IL1RAPL1: variants seen among roughly 807,000 people sequenced by gnomAD.
The protein encoded by IL1RAPL1 is interleukin 1 receptor accessory protein like 1.
In IL1RAPL1, 3 loss-of-function variants were observed where a neutral mutation model predicts 48.4. The ratio of observed to expected loss-of-function variants is 0.06; its 90% confidence interval spans 0.03 to 0.16. The LOEUF is 0.16. Ranked by LOEUF, IL1RAPL1 falls within the 10% of genes least tolerant of loss-of-function variation. IL1RAPL1 has a pLI of 1.00. For missense variants in IL1RAPL1, 349 were observed against 530.6 expected, an observed-to-expected ratio of 0.66 and a Z score of 3.36; for synonymous variants, 185 against 187.7, an observed-to-expected ratio of 0.99 and a Z score of 0.12.
At chrX:29,425,207 C>T (rs1934336055) in intron 5 of IL1RAPL1, among the ~76,000 whole-genome samples, 1 of 112,001 alleles carries the variant, frequency 8.9e-6, no homozygotes, top group Non-Finnish European at 1.9e-5. Context: ...ATAATGGACT[C>T]CAACACATAC....
chrX:29,719,743 CAAA>C (rs372308075), intron 6 of IL1RAPL1, among the ~76,000 whole-genome samples: 1 of 21,895 alleles, frequency 4.6e-5, no homozygotes, highest in African/African-American at 1.3e-4. Flanking sequence ...GAAAGATGAG[CAAA>C]AAAAAAAAAA....
chrX:29,469,664 G>T (rs1934901193), intron 5 of IL1RAPL1, among the ~76,000 whole-genome samples: 2 of 111,380 alleles, frequency 1.8e-5, no homozygotes, highest in Non-Finnish European at 1.9e-5. Flanking sequence ...GCAAATCCTG[G>T]TATAATATAA....
At chrX:29,176,580 T>G (rs1930028572) in intron 2 of IL1RAPL1, among the ~76,000 whole-genome samples, 1 of 111,095 alleles carries the variant, frequency 9.0e-6, no homozygotes, top group South Asian at 3.8e-4. Context: ...ATCTTGAAAT[T>G]TTATGGGGAT....
chrX:29,784,402 A>G (rs938756547), intron 6 of IL1RAPL1, among the ~76,000 whole-genome samples: 2 of 111,298 alleles, frequency 1.8e-5, no homozygotes, highest in African/African-American at 6.5e-5. Context: ...TTCTAATGCA[A>G]GATACTGACC....
At position 29,230,504 on chromosome X, in the gene IL1RAPL1, C is replaced by CAAAAAAAAAAAAAAAAAAA. The variant is rs60539139; in HGVS notation, c.83-52421_83-52403dup. Among the ~76,000 whole-genome samples, 68 of 16,587 alleles carry CAAAAAAAAAAAAAAAAAAA rather than the reference C, an allele frequency of 4.1e-3. 20 individuals are homozygous for CAAAAAAAAAAAAAAAAAAA. The highest frequency in any genetic ancestry group is 0.018 in the African/African-American group (62 of 3,480). 14.4% of individuals were successfully genotyped at this position (16,587 alleles called of 115,157 possible). On this transcript the variant is annotated intron_variant, in intron 2 of 10. Transcript: ENST00000378993. ...TGCTCTATCATTATGGTCCCTTTAC[C>CAAAAAAAAAAAAAAAAAAA]AAAAAAAAAAAAAAAAAAAAAAAAA...
At chrX:28,659,523 A>AGCTAGAGGCGGCGCTG (rs1288901908) in intron 1 of IL1RAPL1, 12 of 460,822 alleles carry the variant, frequency 2.6e-5, no homozygotes, top group East Asian at 2.3e-4. Flanking sequence ...GAGCTCGGCG[A>AGCTAGAGGCGGCGCTG]GCTAGAGGCG....
chrX:29,282,909 CTCTT>C (rs772665410), intron 2 of IL1RAPL1, 25 bp from the exon 3 acceptor site: 1 of 1,204,596 alleles, frequency 8.3e-7, no homozygotes, highest in Non-Finnish European at 1.1e-6. Flanking sequence ...TGTTTTTCCT[CTCTT>C]TCTCTGTCTC....
At chrX:28,999,653 A>G (rs1307349890) in intron 2 of IL1RAPL1, among the ~76,000 whole-genome samples, 1 of 111,928 alleles carries the variant, frequency 8.9e-6, no homozygotes, top group East Asian at 2.8e-4. Flanking sequence ...ATTTCCATCA[A>G]GATGTACTTT....
chrX:29,024,094 C>T (rs914740792), intron 2 of IL1RAPL1, among the ~76,000 whole-genome samples: 1 of 111,612 alleles, frequency 9.0e-6, no homozygotes, highest in Non-Finnish European at 1.9e-5. Flanking sequence ...TATTATCATG[C>T]AGACAAATTA....
At chrX:29,020,434 T>C (rs1353390574) in intron 2 of IL1RAPL1, among the ~76,000 whole-genome samples, 7 of 112,419 alleles carry the variant, frequency 6.2e-5, no homozygotes, top group African/African-American at 2.3e-4. Flanking sequence ...TACAGTGATA[T>C]GCTGTACAAG....
intron 3 of IL1RAPL1, among the ~76,000 whole-genome samples, chrX:29,380,072 G>A (rs1267857916): frequency 1.9e-5 from 2 of 107,918 alleles, no homozygotes; most frequent in African/African-American, 3.4e-5. Context: ...GCTCATTCAT[G>A]TTACCATGAA....
At chrX:29,927,095 C>A (rs1253328606) in intron 8 of IL1RAPL1, among the ~76,000 whole-genome samples, 1 of 112,020 alleles carries the variant, frequency 8.9e-6, no homozygotes, top group African/African-American at 3.2e-5. Context: ...GCTTCACAAA[C>A]TTTACAGTAT....
At position 28,688,994 on chromosome X, in the gene IL1RAPL1, T is replaced by A. The variant is rs112900611; in HGVS notation, c.-24-100326T>A. On this transcript the variant is annotated intron_variant, in intron 1 of 10. Coordinates refer to ENST00000378993, the MANE Select transcript of IL1RAPL1 (RefSeq NM_014271.4). ...ACCACGTTCTAGCCATGATTCATTT[T>A]TAAATTAAAATATCATTATATATGT... 7.2e-3 allele frequency among the ~76,000 whole-genome samples: 801 copies of A among 111,484 alleles called. 12 individuals are homozygous for A. Among genetic ancestry groups the A allele is most frequent in the African/African-American group, 0.024 (745 of 30,628 alleles).
chrX:29,094,771 C>CAAAA lies in IL1RAPL1; in HGVS notation c.83-188140_83-188137dup, dbSNP rs1163805144. ...TGGTGACAAGAGTGAAACTCCATCT[C>CAAAA]AAAAAAAAAAAAAAAAAAAAAAAAA... On this transcript the variant is annotated intron_variant, in intron 2 of 10. Transcript: ENST00000378993. 4.6e-3 allele frequency among the ~76,000 whole-genome samples: 27 copies of CAAAA among 5,909 alleles called. 2 individuals carry two copies. The highest frequency in any genetic ancestry group is 0.022 in the East Asian group (2 of 91). 5.1% of individuals were successfully genotyped at this position (5,909 alleles called of 115,157 possible). A position where few individuals can be genotyped will look rare whatever the true frequency, so the allele number is the denominator to read the frequency against.
intron 2 of IL1RAPL1, among the ~76,000 whole-genome samples, chrX:29,038,756 C>T (rs756643363): frequency 8.9e-6 from 1 of 111,812 alleles, no homozygotes; most frequent in East Asian, 2.8e-4. Context: ...AAACATTTTA[C>T]TTAAAATATA....
chrX:29,252,280 AAAG>A (rs759727578), intron 2 of IL1RAPL1, among the ~76,000 whole-genome samples: 2,726 of 85,631 alleles, frequency 0.032, 2 homozygotes, highest in Non-Finnish European at 0.051. Context: ...GTAAAAGAAA[AAAG>A]AAAAAAAAAA....
In IL1RAPL1 at chrX:28,935,029, ATCTG is replaced by A. The variant is rs773044394; in HGVS notation, c.82+145608_82+145611del. On this transcript the variant is annotated intron_variant, in intron 2 of 10. Coordinates refer to ENST00000378993, the MANE Select transcript of IL1RAPL1 (RefSeq NM_014271.4). The stretch of plus-strand genomic sequence containing the variant: ...ATCTTTCTCAACAATACTTGTTGTT[ATCTG>A]TCTTTTTTATTATAGCCATAACTGT... Among the ~76,000 whole-genome samples, 322 of 112,003 alleles carry A rather than the reference ATCTG, an allele frequency of 2.9e-3. 3 individuals are homozygous for A. The highest frequency in any genetic ancestry group is 9.7e-3 in the African/African-American group (299 of 30,922).
chrX:29,820,099 CTT>C (rs898073519), intron 6 of IL1RAPL1, among the ~76,000 whole-genome samples: 21 of 106,208 alleles, frequency 2.0e-4, no homozygotes, highest in African/African-American at 5.4e-4. Flanking sequence ...TATATCAACA[CTT>C]ATATAAATTT....
At chrX:29,734,799 A>G (rs1247204048) in intron 6 of IL1RAPL1, among the ~76,000 whole-genome samples, 2 of 111,023 alleles carry the variant, frequency 1.8e-5, no homozygotes, top group African/African-American at 6.6e-5. Flanking sequence ...CTGAATAGAG[A>G]TTACAATTTG....
Sources: gnomAD v4.1 joint callset for allele counts (sites outside exome capture counted in the v4.1 genomes callset) on GRCh38, gnomAD v4.1.1 for gene constraint, MANE v1.5 for transcripts, NCBI Gene and HGNC (gene_info 2026-07-23, HGNC 2026-07-21) for gene names.